The following CFDP1 variants were observed in gnomAD, a reference collection of about 807,000 sequenced individuals.
CFDP1 encodes heterochromatin-stabilizing protein CFDP1.
Under a neutral mutation model 40.1 loss-of-function variants are expected in CFDP1, and 31 were observed. The ratio of observed to expected loss-of-function variants is 0.77; its 90% confidence interval spans 0.58 to 1.04. The LOEUF (loss-of-function observed/expected upper bound fraction) is 1.04. Among genes scored for constraint, CFDP1 ranks in the 50% least tolerant of loss-of-function variants. The probability of loss-of-function intolerance (pLI) is 0.00; values close to 1 mark genes in which losing one functional copy is unlikely to be tolerated. For synonymous variants in CFDP1, 167 were observed against 120.0 expected, an observed-to-expected ratio of 1.39 and a Z score of -2.56; for missense variants, 423 against 343.4, an observed-to-expected ratio of 1.23 and a Z score of -1.83.
intron 1 of CFDP1, among the ~76,000 whole-genome samples, chr16:75,427,813 T>C (rs2151604430): frequency 6.6e-6 from 1 of 152,350 alleles, no homozygotes; most frequent in East Asian, 1.9e-4. Context: ...ACAGCTTTAT[T>C]TGTAATCATA....
chr16:75,405,079 G>C (rs1405635137), intron 4 of CFDP1, among the ~76,000 whole-genome samples: 1 of 152,144 alleles, frequency 6.6e-6, no homozygotes, highest in African/African-American at 2.4e-5. Context: ...TCAGCAATTT[G>C]ACAATGTCAC....
chr16:75,367,604 C>T (rs1349543661), intron 5 of CFDP1, among the ~76,000 whole-genome samples: 2 of 151,716 alleles, frequency 1.3e-5, no homozygotes, highest in African/African-American at 4.8e-5. Context: ...ACCAGCTTGG[C>T]CAACATGGTG....
At chr16:75,330,090 A>G (rs1380617743) in intron 5 of CFDP1, among the ~76,000 whole-genome samples, 2 of 152,336 alleles carry the variant, frequency 1.3e-5, no homozygotes, top group Admixed American at 1.3e-4. Flanking sequence ...CAGAGTCCCA[A>G]TATTTGCATT....
intron 5 of CFDP1, among the ~76,000 whole-genome samples, chr16:75,387,292 C>T (rs913452817): frequency 1.3e-5 from 2 of 152,180 alleles, no homozygotes; most frequent in East Asian, 1.9e-4. Context: ...AGGCGCCCAC[C>T]ACCACGCCCG....
chr16:75,425,795 AGGCC>A (rs1282190710), intron 1 of CFDP1, among the ~76,000 whole-genome samples: 5 of 152,018 alleles, frequency 3.3e-5, no homozygotes, highest in Non-Finnish European at 1.5e-5. Context: ...GCACTTTGGG[AGGCC>A]GGGGTGGGCG....
chr16:75,410,939 C>A (rs1214299312), intron 4 of CFDP1, among the ~76,000 whole-genome samples: 1 of 149,156 alleles, frequency 6.7e-6, no homozygotes, highest in Non-Finnish European at 1.5e-5. Flanking sequence ...AAAAAAAAGG[C>A]CAGGAGTGGC....
rs543610208 is a variant in CFDP1, at chr16:75,397,006, T to C, written c.531-1797A>G. Among the ~76,000 whole-genome samples the C allele has an allele frequency of 3.4e-3, 523 of 151,852 alleles. 2 individuals carry two copies. The highest frequency in any genetic ancestry group is 0.014 in the South Asian group (65 of 4,768). The stretch of plus-strand genomic sequence containing the variant: ...TCGGCTCACTGCAACCTCTGCCTCC[T>C]GGGTTCATGCCATTCTCCTGCCTCA... On this transcript the variant is annotated intron_variant, in intron 4 of 6. Coordinates refer to ENST00000283882, the MANE Select transcript of CFDP1 (RefSeq NM_006324.3).
chr16:75,351,637 T>G (rs1298023413), intron 5 of CFDP1, among the ~76,000 whole-genome samples: 1 of 152,204 alleles, frequency 6.6e-6, no homozygotes, highest in African/African-American at 2.4e-5. Flanking sequence ...TGGAGGAGGT[T>G]AGTGTACCAA....
intron 4 of CFDP1, among the ~76,000 whole-genome samples, chr16:75,410,055 C>CAAAAAAAAAAA (rs150987819): frequency 5.7e-5 from 3 of 52,542 alleles, no homozygotes; most frequent in Non-Finnish European, 6.2e-5. Flanking sequence ...GACCCTTTCT[C>CAAAAAAAAAAA]AAAAAAAAAA....
chr16:75,321,018 C>A (rs142082009), intron 5 of CFDP1, among the ~76,000 whole-genome samples: 1 of 152,086 alleles, frequency 6.6e-6, no homozygotes, highest in Non-Finnish European at 1.5e-5. Flanking sequence ...TGGTTTTGAA[C>A]TCCTGGGCTC....
intron 1 of CFDP1, among the ~76,000 whole-genome samples, chr16:75,428,509 C>T (rs778808838): frequency 1.3e-5 from 2 of 151,494 alleles, no homozygotes; most frequent in Non-Finnish European, 2.9e-5. Context: ...CCCAGCTACT[C>T]GAGAGGCTGA....
rs547841959 is a variant in CFDP1 at position 75,337,423 on chromosome 16, T to C, written c.651-32241A>G. On this transcript the variant is annotated intron_variant, in intron 5 of 6. Coordinates refer to ENST00000283882, the MANE Select transcript of CFDP1 (RefSeq NM_006324.3). The stretch of plus-strand genomic sequence containing the variant: ...TGAGGCGCAGGCCATTAGGCTTTAC[T>C]GACCTTTGCCCCTCCTTATTGCTGC... Among the ~76,000 whole-genome samples, 11 of 152,370 alleles carry C rather than the reference T, an allele frequency of 7.2e-5. No individual in the cohort carries two copies. In the East Asian group the frequency reaches 1.2e-3, roughly 16 times the overall value.
At chr16:75,333,101 C>T (rs370456451) in intron 5 of CFDP1, among the ~76,000 whole-genome samples, 11 of 149,230 alleles carry the variant, frequency 7.4e-5, no homozygotes, top group African/African-American at 2.2e-4. Flanking sequence ...AGCCACTGCG[C>T]CCAGCCAGCC....
chr16:75,409,639 C>T (rs747727675), intron 4 of CFDP1, among the ~76,000 whole-genome samples: 10 of 152,106 alleles, frequency 6.6e-5, no homozygotes, highest in Non-Finnish European at 1.0e-4. Flanking sequence ...TATCGTGCTA[C>T]AATGGAGAAT....
At chr16:75,412,488 T>C (rs1268886711) in intron 3 of CFDP1, 47 bp downstream of exon 3, 9 of 1,385,986 alleles carry the variant, frequency 6.5e-6, no homozygotes, top group Non-Finnish European at 7.2e-6. Context: ...CTCAGTAATG[T>C]AGGGTATTTC....
intron 1 of CFDP1, among the ~76,000 whole-genome samples, chr16:75,424,848 G>C (rs2079318649): frequency 6.6e-6 from 1 of 151,586 alleles, no homozygotes; most frequent in African/African-American, 2.4e-5. Context: ...AGTACAACAA[G>C]GCAAGCAAAA....
intron 5 of CFDP1, among the ~76,000 whole-genome samples, chr16:75,344,434 C>T (rs2078548042): frequency 6.6e-6 from 1 of 152,056 alleles, no homozygotes; most frequent in South Asian, 2.1e-4. Context: ...GGGACTTATG[C>T]CATTAGAAAA....
chr16:75,357,236 A>T (rs2078650957), intron 5 of CFDP1, among the ~76,000 whole-genome samples: 1 of 151,574 alleles, frequency 6.6e-6, no homozygotes, highest in African/African-American at 2.4e-5. Context: ...TTTCTTTTTT[A>T]AAATTATTTT....
rs146441159 is a variant in CFDP1 at position 75,429,918 on chromosome 16, C to T, written c.64+3371G>A. 1.4e-3 allele frequency among the ~76,000 whole-genome samples: 206 copies of T among 152,238 alleles called. 1 individual carries two copies. Among genetic ancestry groups the T allele is most frequent in the African/African-American group, 4.6e-3 (193 of 41,550 alleles). The stretch of plus-strand genomic sequence containing the variant: ...CCCATGATGCAGCCCTCAAGAGGTC[C>T]TGAGAGCACGCGCCCAAGGTGGTTG... On this transcript the variant is annotated intron_variant, in intron 1 of 6. Transcript: ENST00000283882.
Sources: gnomAD v4.1 joint callset for allele counts (sites outside exome capture counted in the v4.1 genomes callset) on GRCh38, gnomAD v4.1.1 for gene constraint, MANE v1.5 for transcripts, NCBI Gene and HGNC (gene_info 2026-07-23, HGNC 2026-07-21) for gene names.